The following UBE2D2 variants were observed in gnomAD, a reference collection of about 807,000 sequenced individuals.
UBE2D2 encodes ubiquitin-conjugating enzyme E2 D2.
A neutral mutation model predicts 24.2 loss-of-function variants in UBE2D2; 2 were observed. The ratio of observed to expected loss-of-function variants is 0.08; its 90% confidence interval spans 0.03 to 0.26. The LOEUF is 0.26. Among genes scored for constraint, UBE2D2 ranks in the 10% least tolerant of loss-of-function variants. The pLI is 1.00. For missense variants in UBE2D2, 44 were observed against 177.6 expected, an observed-to-expected ratio of 0.25 and a Z score of 4.28; for synonymous variants, 58 against 56.5, an observed-to-expected ratio of 1.03 and a Z score of -0.12.
intron 1 of UBE2D2, among the ~76,000 whole-genome samples, chr5:139,591,842 T>G (rs1453842432): frequency 6.6e-6 from 1 of 152,138 alleles, no homozygotes; most frequent in Non-Finnish European, 1.5e-5. Context: ...CTAGTTAAGA[T>G]AGGAGTGAGG....
chr5:139,619,135 C>T (rs1037791357), intron 5 of UBE2D2, among the ~76,000 whole-genome samples: 3 of 152,168 alleles, frequency 2.0e-5, no homozygotes, highest in Non-Finnish European at 4.4e-5. Flanking sequence ...CGCAGTGGCT[C>T]ATGACTGTAA....
intron 2 of UBE2D2, among the ~76,000 whole-genome samples, chr5:139,603,809 G>A (rs539147180): frequency 1.6e-4 from 25 of 151,684 alleles, no homozygotes; most frequent in Non-Finnish European, 2.6e-4. Flanking sequence ...AATTAGCCAG[G>A]TGTGGTGGTG....
At chr5:139,552,491 GTTTCTTT>G (rs1267905325) in intron 1 of UBE2D2, among the ~76,000 whole-genome samples, 127 of 146,550 alleles carry the variant, frequency 8.7e-4, no homozygotes, top group Middle Eastern at 3.5e-3. Context: ...TTCTTTTTTT[GTTTCTTT>G]TTTCTTTTTT....
chr5:139,537,060 G>A (rs1752692747), intron 1 of UBE2D2, among the ~76,000 whole-genome samples: 1 of 151,972 alleles, frequency 6.6e-6, no homozygotes, highest in Admixed American at 6.6e-5. Flanking sequence ...GCGGATGCCT[G>A]TAGTCCCAGC....
chr5:139,597,311 C>A (rs1753981986), intron 1 of UBE2D2, among the ~76,000 whole-genome samples: 1 of 152,312 alleles, frequency 6.6e-6, no homozygotes, highest in East Asian at 1.9e-4. Context: ...TAAATGGAAT[C>A]ATACATCATG....
At chr5:139,624,989 A>T (rs1434211334) in intron 6 of UBE2D2, among the ~76,000 whole-genome samples, 8 of 152,154 alleles carry the variant, frequency 5.3e-5, no homozygotes, top group Non-Finnish European at 1.0e-4. Flanking sequence ...TTCCCAAGTC[A>T]TCATGGAGTA....
chr5:139,595,554 T>C (rs1024888306), intron 1 of UBE2D2, among the ~76,000 whole-genome samples: 4 of 152,046 alleles, frequency 2.6e-5, no homozygotes, highest in South Asian at 2.1e-4. Flanking sequence ...ATTTTTGTAC[T>C]TTTAGTAAAG....
At chr5:139,568,694 C>T (rs753144195) in intron 1 of UBE2D2, among the ~76,000 whole-genome samples, 4 of 151,058 alleles carry the variant, frequency 2.6e-5, no homozygotes, top group Admixed American at 6.6e-5. Flanking sequence ...TACTGTAGGC[C>T]GGGCGCGGTG....
chr5:139,573,449 T>C (rs975448215), intron 1 of UBE2D2, among the ~76,000 whole-genome samples: 3 of 152,200 alleles, frequency 2.0e-5, no homozygotes, highest in Non-Finnish European at 4.4e-5. Context: ...GTATATTGTT[T>C]TCATTGCAGT....
chr5:139,619,045 A>G (rs1467037190), intron 5 of UBE2D2, among the ~76,000 whole-genome samples: 1 of 152,236 alleles, frequency 6.6e-6, no homozygotes, highest in Non-Finnish European at 1.5e-5. Flanking sequence ...TAAGTGTGCC[A>G]TAAAGCCATT....
At chr5:139,577,965 C>T (rs937728465) in intron 1 of UBE2D2, among the ~76,000 whole-genome samples, 7 of 152,180 alleles carry the variant, frequency 4.6e-5, no homozygotes, top group South Asian at 2.1e-4. Context: ...GAGATCCTTG[C>T]GCAAATGCCA....
At chr5:139,540,977 G>GAGCAAAAC (rs562404735) in intron 1 of UBE2D2, among the ~76,000 whole-genome samples, 134 of 148,122 alleles carry the variant, frequency 9.0e-4, no homozygotes, top group Admixed American at 1.6e-3. Context: ...TGGGCGACAA[G>GAGCAAAAC]AGCAAAACTC....
intron 1 of UBE2D2, among the ~76,000 whole-genome samples, chr5:139,534,558 A>G (rs2126628407): frequency 6.8e-6 from 1 of 146,276 alleles, no homozygotes; most frequent in East Asian, 2.0e-4. Flanking sequence ...AGAGTGAGAC[A>G]CTGTCTCAGG....
At chr5:139,536,877 C>T (rs753547423) in intron 1 of UBE2D2, among the ~76,000 whole-genome samples, 3 of 151,956 alleles carry the variant, frequency 2.0e-5, no homozygotes, top group South Asian at 2.1e-4. Flanking sequence ...TATTATCATG[C>T]TTTAAAAAGT....
intron 1 of UBE2D2, among the ~76,000 whole-genome samples, chr5:139,554,649 C>G (rs1323699504): frequency 1.3e-5 from 2 of 152,160 alleles, no homozygotes; most frequent in Non-Finnish European, 2.9e-5. Flanking sequence ...GTGTACAACT[C>G]TTTTTGGGGA....
At chr5:139,560,387 G>A (rs1006276620), upstream of UBE2D2, among the ~76,000 whole-genome samples, 1 of 152,080 alleles carries the variant, frequency 6.6e-6, no homozygotes, top group African/African-American at 2.4e-5. Flanking sequence ...TAGTACAGAA[G>A]GGGTTTCACT....
intron 5 of UBE2D2, among the ~76,000 whole-genome samples, chr5:139,622,279 G>C (rs1173064936): frequency 6.6e-6 from 1 of 151,270 alleles, no homozygotes. Flanking sequence ...ATTTTTTGCT[G>C]TGTCGCCCAG....
At chr5:139,575,796 TG>T (rs1380334294) in intron 1 of UBE2D2, among the ~76,000 whole-genome samples, 1 of 152,180 alleles carries the variant, frequency 6.6e-6, no homozygotes, top group African/African-American at 2.4e-5. Flanking sequence ...GAGGCCAAGG[TG>T]GGAGAATCAC....
At chr5:139,587,082 G>A (rs1312713142) in intron 1 of UBE2D2, among the ~76,000 whole-genome samples, 2 of 152,180 alleles carry the variant, frequency 1.3e-5, no homozygotes, top group Non-Finnish European at 1.5e-5. Context: ...TGGCCTCATG[G>A]ATTCCAAGGA....
Sources: gnomAD v4.1 joint callset for allele counts (sites outside exome capture counted in the v4.1 genomes callset) on GRCh38, gnomAD v4.1.1 for gene constraint, MANE v1.5 for transcripts, NCBI Gene and HGNC (gene_info 2026-07-23, HGNC 2026-07-21) for gene names.